Variants in LRRC37A2 observed in about 807,000 individuals in gnomAD.
The protein encoded by LRRC37A2 is leucine rich repeat containing 37 member A2.
A neutral mutation model predicts 68.8 loss-of-function variants in LRRC37A2; 9 were observed. The ratio of observed to expected loss-of-function variants is 0.13; its 90% confidence interval spans 0.08 to 0.23. LRRC37A2 has a LOEUF of 0.23. Ranked by LOEUF, LRRC37A2 falls within the 10% of genes least tolerant of loss-of-function variation. The pLI is 1.00. For synonymous variants in LRRC37A2, 63 were observed against 367.6 expected (o/e 0.17, Z 9.48); for missense variants, 168 against 950.4 (o/e 0.18, Z 10.82).
At chr17:46,904,125 G>A in the LRRC37A2 span, among the ~76,000 whole-genome samples, 1 of 143,508 alleles carries the variant, frequency 7.0e-6, no homozygotes, top group Non-Finnish European at 1.5e-5. Flanking sequence ...CTGGGTAGGT[G>A]GATGTGTAGG....
the LRRC37A2 span, among the ~76,000 whole-genome samples, chr17:46,994,214 G>C: frequency 6.6e-6 from 1 of 151,944 alleles, no homozygotes; most frequent in African/African-American, 2.4e-5. Context: ...GTGAAACCCC[G>C]TCTCTACTAA....
the LRRC37A2 span, among the ~76,000 whole-genome samples, chr17:46,831,830 C>T: frequency 3.3e-5 from 5 of 152,244 alleles, no homozygotes; most frequent in African/African-American, 1.2e-4. Flanking sequence ...GTTGAAACTG[C>T]CAAATGAAGA....
At chr17:46,882,690 C>G in the LRRC37A2 span, among the ~76,000 whole-genome samples, 1 of 152,200 alleles carries the variant, frequency 6.6e-6, no homozygotes, top group Non-Finnish European at 1.5e-5. Flanking sequence ...TTCGCTCCAT[C>G]TCTCACCTGG....
chr17:46,938,301 A>G, the LRRC37A2 span, among the ~76,000 whole-genome samples: 3 of 152,240 alleles, frequency 2.0e-5, no homozygotes, highest in East Asian at 3.8e-4. Context: ...TTTTACACAC[A>G]TATCTGTAAG....
the LRRC37A2 span, among the ~76,000 whole-genome samples, chr17:46,889,081 C>A: frequency 6.6e-6 from 1 of 152,126 alleles, no homozygotes; most frequent in Non-Finnish European, 1.5e-5. Flanking sequence ...AGGAAGAGAA[C>A]CATTTCTTCT....
chr17:47,010,326 G>A, the LRRC37A2 span: 1 of 152,230 alleles, frequency 6.6e-6, no homozygotes, highest in Admixed American at 6.5e-5. Flanking sequence ...TGCATATGGG[G>A]GGTGACAGGA....
the LRRC37A2 span, among the ~76,000 whole-genome samples, chr17:46,709,497 T>TC: frequency 6.6e-6 from 1 of 151,948 alleles, no homozygotes; most frequent in Admixed American, 6.6e-5. Flanking sequence ...CCTATAATTT[T>TC]TTTTTTTTTT....
At chr17:46,908,589 CTG>C in the LRRC37A2 span, among the ~76,000 whole-genome samples, 2 of 152,156 alleles carry the variant, frequency 1.3e-5, no homozygotes, top group Non-Finnish European at 2.9e-5. Context: ...CTGGGGACTG[CTG>C]TGAGTTCAGC....
chr17:46,666,114 G>T, the LRRC37A2 span, among the ~76,000 whole-genome samples: 1 of 151,332 alleles, frequency 6.6e-6, no homozygotes, highest in Non-Finnish European at 1.5e-5. Context: ...GATGAGAGTA[G>T]TTGCAATTGG....
At chr17:46,754,574 T>C in the LRRC37A2 span, among the ~76,000 whole-genome samples, 1 of 152,374 alleles carries the variant, frequency 6.6e-6, no homozygotes, top group South Asian at 2.1e-4. Context: ...TCATATCTCC[T>C]GTGGGCCTAC....
chr17:46,872,584 G>A, the LRRC37A2 span: 35 of 1,609,048 alleles, frequency 2.2e-5, no homozygotes, highest in East Asian at 2.2e-5. Flanking sequence ...GGCACAGGGC[G>A]GGGCCCACCT....
the LRRC37A2 span, among the ~76,000 whole-genome samples, chr17:46,717,509 G>A: frequency 1.1e-4 from 17 of 152,186 alleles, no homozygotes; most frequent in African/African-American, 4.1e-4. Context: ...TCAGGAGTTC[G>A]AGACCAGCCT....
chr17:46,964,552 G>A, the LRRC37A2 span: 1 of 152,454 alleles, frequency 6.6e-6, no homozygotes, highest in Admixed American at 6.5e-5. Flanking sequence ...TGTCCAGCAA[G>A]ACAGAGTGCC....
At chr17:47,011,428 A>AATC in the LRRC37A2 span, among the ~76,000 whole-genome samples, 1 of 151,906 alleles carries the variant, frequency 6.6e-6, no homozygotes, top group African/African-American at 2.4e-5. Context: ...GGGTGCCTGC[A>AATC]ATCTCAGCTA....
the LRRC37A2 span, among the ~76,000 whole-genome samples, chr17:46,912,322 A>G: frequency 2.3e-3 from 354 of 152,356 alleles, 3 homozygotes; most frequent in African/African-American, 8.2e-3. Context: ...GCCCTGGCCC[A>G]GCTCACAGGT....
the LRRC37A2 span, among the ~76,000 whole-genome samples, chr17:46,996,109 C>T: frequency 6.6e-6 from 1 of 152,158 alleles, no homozygotes; most frequent in African/African-American, 2.4e-5. Context: ...CCCACTTACC[C>T]CTGTGCCCTT....
At chr17:46,965,025 G>A in the LRRC37A2 span, 1 of 152,214 alleles carries the variant, frequency 6.6e-6, no homozygotes, top group Non-Finnish European at 1.5e-5. Context: ...ATTCACTGGA[G>A]TTTTTCACCC....
At chr17:46,849,986 TAC>T in the LRRC37A2 span, among the ~76,000 whole-genome samples, 25 of 152,160 alleles carry the variant, frequency 1.6e-4, no homozygotes, top group African/African-American at 5.1e-4. Context: ...TAGCTGGGAT[TAC>T]AGGCATGCAC....
the LRRC37A2 span, chr17:46,938,659 C>G: frequency 6.2e-7 from 1 of 1,614,024 alleles, no homozygotes. Flanking sequence ...CACAGTGATG[C>G]GGCTCATCGA....
Sources: gnomAD v4.1 joint callset for allele counts (sites outside exome capture counted in the v4.1 genomes callset) on GRCh38, gnomAD v4.1.1 for gene constraint, MANE v1.5 for transcripts, NCBI Gene and HGNC (gene_info 2026-07-23, HGNC 2026-07-21) for gene names.